Variants in SNTG1 observed in about 807,000 individuals in gnomAD.
The protein encoded by SNTG1 is gamma-1-syntrophin.
SNTG1 carries 39 observed loss-of-function variants against 74.7 expected under a neutral mutation model. The ratio of observed to expected loss-of-function variants is 0.52; its 90% CI spans 0.40 to 0.68. The LOEUF is 0.68. Ranked by LOEUF, SNTG1 falls within the 30% of genes least tolerant of loss-of-function variation. SNTG1 has a pLI of 0.00. For missense variants in SNTG1, 685 were observed against 609.5 expected (o/e 1.12, Z -1.30); for synonymous variants, 254 against 217.1 (o/e 1.17, Z -1.49).
intron 2 of SNTG1, among the ~76,000 whole-genome samples, chr8:50,266,028 T>A (rs1192793355): frequency 6.6e-6 from 1 of 150,668 alleles, no homozygotes; most frequent in Non-Finnish European, 1.5e-5. Context: ...ATCTACAGAT[T>A]AAACACAATT....
intron 1 of SNTG1, among the ~76,000 whole-genome samples, chr8:50,086,864 G>T (rs1228212934): frequency 6.6e-6 from 1 of 152,264 alleles, no homozygotes; most frequent in East Asian, 1.9e-4. Context: ...TGCTTAAAAA[G>T]CACCAATAGC....
At chr8:50,532,433 A>G (rs1465237363) in intron 10 of SNTG1, among the ~76,000 whole-genome samples, 1 of 152,272 alleles carries the variant, frequency 6.6e-6, no homozygotes, top group Admixed American at 6.5e-5. Flanking sequence ...TAACTATAAC[A>G]TAAGCAGAAA....
chr8:50,600,918 C>T (rs2094768773), intron 13 of SNTG1, among the ~76,000 whole-genome samples: 1 of 150,962 alleles, frequency 6.6e-6, no homozygotes, highest in South Asian at 2.1e-4. Flanking sequence ...TCCTGTAATC[C>T]TAGGACTTTG....
intron 1 of SNTG1, among the ~76,000 whole-genome samples, chr8:49,977,258 TA>T (rs1156678082): frequency 6.6e-6 from 1 of 150,960 alleles, no homozygotes; most frequent in African/African-American, 2.5e-5. Context: ...GCTAGACCCA[TA>T]AATAATTTAG....
intron 13 of SNTG1, among the ~76,000 whole-genome samples, chr8:50,597,353 A>G (rs1260606223): frequency 3.0e-5 from 4 of 134,192 alleles, no homozygotes; most frequent in South Asian, 2.3e-4. Context: ...ATATACACGT[A>G]TATATACACA....
chr8:50,221,419 G>A (rs981347548), intron 2 of SNTG1, among the ~76,000 whole-genome samples: 4 of 151,396 alleles, frequency 2.6e-5, no homozygotes, highest in Non-Finnish European at 4.4e-5. Context: ...TAAGATCAAC[G>A]TGGCAAAATA....
At chr8:50,276,944 C>T (rs2088147991) in intron 2 of SNTG1, among the ~76,000 whole-genome samples, 1 of 152,022 alleles carries the variant, frequency 6.6e-6, no homozygotes, top group African/African-American at 2.4e-5. Context: ...ATTCTCCTGC[C>T]TCAGCCTCCC....
rs760705502 is a variant in SNTG1 at position 50,449,723 on chromosome 8, G to C, written c.275G>C (p.Arg92Thr). The C allele has an allele frequency of 1.3e-6, 2 of 1,592,032 alleles. No homozygotes were observed. The highest frequency in any genetic ancestry group is 2.7e-5 in the African/African-American group (2 of 74,510). Residue 92 changes from arginine to threonine, a missense_variant and splice_region_variant, in exon 6 of 19, where the codon AGA becomes ACA. Coordinates refer to ENST00000642720, the MANE Select transcript of SNTG1 (RefSeq NM_018967.5). ...VVVSKISKEQ[R>T]AELSGLLFIG... ...GTTTCAAAAATCTCCAAGGAACAAA[G>C]AGGTAATATGTTTAGAGAATTGTGT...
intron 1 of SNTG1, among the ~76,000 whole-genome samples, chr8:50,005,613 T>A (rs1290300304): frequency 6.6e-6 from 1 of 152,142 alleles, no homozygotes; most frequent in East Asian, 1.9e-4. Flanking sequence ...CATAATTACA[T>A]TTACCTTATT....
rs1258125182 is a variant in SNTG1, at chr8:50,734,804, TATAG to T, written c.1285-17193_1285-17190del. Among the ~76,000 whole-genome samples the T allele has an allele frequency of 1.5e-3, 118 of 78,950 alleles. 4 individuals are homozygous for T. Among genetic ancestry groups the T allele is most frequent in the African/African-American group, 3.5e-3 (43 of 12,128 alleles). The allele number at this position is 78,950 out of a possible 152,430, so 51.8% of individuals were successfully genotyped here. A position where few individuals can be genotyped will look rare whatever the true frequency, so the allele number is the denominator to read the frequency against. On this transcript the variant is annotated intron_variant, in intron 17 of 18. Transcript: ENST00000642720. ...AGATATCTATATATATGGACATATA[TATAG>T]ATATCTATATATATGGACATATATA...
At chr8:50,419,516 T>C (rs1236282806) in intron 4 of SNTG1, among the ~76,000 whole-genome samples, 1 of 152,154 alleles carries the variant, frequency 6.6e-6, no homozygotes, top group Non-Finnish European at 1.5e-5. Context: ...AATTCAAATC[T>C]GTGCAGCCCA....
chr8:50,265,987 C>T (rs758022105), intron 2 of SNTG1, among the ~76,000 whole-genome samples: 7 of 149,970 alleles, frequency 4.7e-5, no homozygotes, highest in Non-Finnish European at 5.9e-5. Flanking sequence ...ATAGTAAGAA[C>T]ACTGTTAAAA....
At chr8:50,047,153 A>G (rs2130854118) in intron 1 of SNTG1, among the ~76,000 whole-genome samples, 1 of 152,182 alleles carries the variant, frequency 6.6e-6, no homozygotes, top group African/African-American at 2.4e-5. Context: ...AACCTGGACA[A>G]CATGGTAAAA....
intron 2 of SNTG1, among the ~76,000 whole-genome samples, chr8:50,282,940 T>C (rs2088559991): frequency 6.6e-6 from 1 of 152,182 alleles, no homozygotes; most frequent in African/African-American, 2.4e-5. Flanking sequence ...ATAACCATAT[T>C]GCCATGAAAA....
chr8:50,086,692 T>C (rs906465447), intron 1 of SNTG1, among the ~76,000 whole-genome samples: 2 of 152,110 alleles, frequency 1.3e-5, no homozygotes, highest in African/African-American at 4.8e-5. Context: ...CAACTGAATG[T>C]TCATAACTAG....
intron 3 of SNTG1, among the ~76,000 whole-genome samples, chr8:50,400,835 G>C (rs4379460): frequency 0.16 from 23,912 of 152,028 alleles, 2,324 homozygotes; most frequent in Middle Eastern, 0.26. Flanking sequence ...TTGGAGAACA[G>C]GTACAATGTT....
chr8:50,386,005 A>C (rs558913362), intron 2 of SNTG1, among the ~76,000 whole-genome samples: 11 of 152,280 alleles, frequency 7.2e-5, no homozygotes, highest in African/African-American at 2.6e-4. Flanking sequence ...ATCTCGAGGA[A>C]AGTGGTATTG....
At chr8:50,398,783 T>C (rs905852063) in intron 3 of SNTG1, among the ~76,000 whole-genome samples, 1 of 151,928 alleles carries the variant, frequency 6.6e-6, no homozygotes, top group African/African-American at 2.4e-5. Context: ...TACAAAAAAT[T>C]AGCTGGGTGT....
intron 4 of SNTG1, among the ~76,000 whole-genome samples, chr8:50,420,076 C>A (rs1373292823): frequency 1.3e-5 from 2 of 151,804 alleles, no homozygotes; most frequent in Non-Finnish European, 2.9e-5. Context: ...TGAGCAGAGT[C>A]CCCTGAGAAG....
Sources: allele counts gnomAD v4.1 joint callset (sites outside exome capture counted in the v4.1 genomes callset), GRCh38; gene constraint gnomAD v4.1.1; transcripts MANE v1.5; gene names NCBI Gene and HGNC (gene_info 2026-07-23, HGNC 2026-07-21).